The following CGRRF1 variants were observed in gnomAD, a reference collection of about 807,000 sequenced individuals.
CGRRF1 encodes cell growth regulator with ring finger domain 1.
Under a neutral mutation model 37.2 loss-of-function variants are expected in CGRRF1, and 32 were observed. The ratio of observed to expected loss-of-function variants is 0.86; its 90% confidence interval spans 0.65 to 1.16. The LOEUF is 1.16. CGRRF1 is among the 50% of genes most tolerant of loss of function. CGRRF1 has a pLI of 0.00. For missense variants in CGRRF1, 391 were observed against 382.6 expected (o/e 1.02, Z -0.18); for synonymous variants, 141 against 140.3 (o/e 1.00, Z -0.04).
In CGRRF1 at chr14:54,530,083, T is replaced by G; in HGVS notation, c.279T>G (p.Asp93Glu). Residue 93 changes from aspartate (D) to glutamate (E), a missense_variant, in exon 3 of 6, where the codon GAT becomes GAG. Physicochemically the swap from Asp to Glu is conservative, Grantham distance 45 (BLOSUM62 2). Transcript: ENST00000216420. ...CCTTGACAACAGATTGCCTTGAAGA[T>G]AGCCTCCTTACATGCTACTGGGGGT... ...GITLTTDCLE[D>E]SLLTCYWGCS... is the part of the protein sequence containing the mutation. The G allele has an allele frequency of 6.2e-7, 1 of 1,612,854 alleles. No individual in the cohort carries two copies. The highest frequency in any genetic ancestry group is 8.5e-7 in the Non-Finnish European group (1 of 1,178,992).
In CGRRF1 at chr14:54,530,043, T is replaced by C. The variant is rs1484763994; in HGVS notation, c.245-6T>C. 6.3e-7 allele frequency: 1 copy of C among 1,599,824 alleles called. No individual in the cohort carries two copies. The highest frequency in any genetic ancestry group is 1.7e-5 in the Admixed American group (1 of 59,432). On this transcript the variant is annotated splice_polypyrimidine_tract_variant and splice_region_variant and intron_variant, in intron 2 of 5. Coordinates refer to ENST00000216420, the MANE Select transcript of CGRRF1 (RefSeq NM_006568.3). The stretch of plus-strand genomic sequence containing the variant: ...ACTTTCATTCTTTCTCCTTTGTTTT[T>C]TACAGCTGGCATAACCTTGACAACA...
At chr14:54,523,724 G>T (rs1177727760) in intron 2 of CGRRF1, among the ~76,000 whole-genome samples, 2 of 152,162 alleles carry the variant, frequency 1.3e-5, no homozygotes, top group Non-Finnish European at 2.9e-5. Flanking sequence ...TTAGAAAAAT[G>T]AGGAGTACAG....
In CGRRF1 at chr14:54,532,268, T is replaced by C. The variant is rs553724895; in HGVS notation, c.570+1218T>C. 2.2e-4 allele frequency among the ~76,000 whole-genome samples: 33 copies of C among 152,308 alleles called. 2 individuals are homozygous for C. The South Asian group carries it at 6.8e-3, about 32-fold the overall frequency. ...CATTTGCAGTTAAGCACCTAGGTTT[T>C]TGGTTTTTAATATTTTCAAACTGAA... On this transcript the variant is annotated intron_variant, in intron 4 of 5. Coordinates refer to ENST00000216420, the MANE Select transcript of CGRRF1 (RefSeq NM_006568.3).
At chr14:54,532,509 G>T (rs1311319505) in intron 4 of CGRRF1, among the ~76,000 whole-genome samples, 1 of 152,108 alleles carries the variant, frequency 6.6e-6, no homozygotes, top group Non-Finnish European at 1.5e-5. Context: ...AAGTAACTGT[G>T]TAAGATGATG....
intron 1 of CGRRF1, among the ~76,000 whole-genome samples, chr14:54,512,598 T>A (rs2140052610): frequency 6.6e-6 from 1 of 152,348 alleles, no homozygotes; most frequent in South Asian, 2.1e-4. Context: ...CTTTGCAAGC[T>A]GACTGCCCAT....
chr14:54,516,509 T>C (rs766397621), intron 1 of CGRRF1, among the ~76,000 whole-genome samples: 75 of 152,176 alleles, frequency 4.9e-4, no homozygotes, highest in Non-Finnish European at 9.1e-4. Context: ...GACATTCTTA[T>C]CTTTGTTCCT....
intron 2 of CGRRF1, among the ~76,000 whole-genome samples, chr14:54,529,499 A>G (rs1243906414): frequency 6.6e-6 from 1 of 152,218 alleles, no homozygotes; most frequent in Non-Finnish European, 1.5e-5. Context: ...TATTTTGCAT[A>G]TTACATGGGA....
rs1398009671 is a variant in CGRRF1 at position 54,538,355 on chromosome 14, A to G, written c.971A>G (p.Gln324Arg). 1 of 1,612,200 alleles carries G rather than the reference A, an allele frequency of 6.2e-7. No homozygotes were observed. The highest frequency in any genetic ancestry group is 1.7e-5 in the Admixed American group (1 of 59,986). The change falls in exon 6 of 6, where the codon CAA becomes CGA. Residue 324 changes from glutamine (Q) to arginine (R), a missense_variant. Coordinates refer to ENST00000216420, the MANE Select transcript of CGRRF1 (RefSeq NM_006568.3). ...TTTGCACTTTGCAGTCAAAAAGAGC[A>G]AGATAAAGACAAACCGAAGACTCTT... ...ESFALCSQKE[Q>R]DKDKPKTL
In CGRRF1 at chr14:54,537,768, T is replaced by A; in HGVS notation, c.617T>A (p.Leu206Gln). 6.3e-7 allele frequency: 1 copy of A among 1,597,916 alleles called. No homozygotes were observed. Among genetic ancestry groups the A allele is most frequent in the Non-Finnish European group, 8.5e-7 (1 of 1,175,640 alleles). ...VIHIPDRTYKLSCRILYQYLL... is the reference protein window; with the variant it reads ...VIHIPDRTYKQSCRILYQYLL... Reference sequence around the variant, plus strand: ...CATATTCCTGATAGGACTTATAAACTATCCTGCAGAATATTGTATCAATAT... The same window carrying A: ...CATATTCCTGATAGGACTTATAAACAATCCTGCAGAATATTGTATCAATAT... The change falls in exon 5 of 6, where the codon CTA (leucine) becomes CAA (glutamine). Residue 206 changes from leucine (L) to glutamine (Q), a missense_variant. Physicochemically the swap from Leu to Gln is moderately radical, Grantham distance 113. Transcript: ENST00000216420.
At chr14:54,513,146 A>G (rs903176447) in intron 1 of CGRRF1, among the ~76,000 whole-genome samples, 4 of 152,220 alleles carry the variant, frequency 2.6e-5, no homozygotes, top group Non-Finnish European at 5.9e-5. Context: ...GTCACTAAGA[A>G]TGGGATCCTG....
rs1231005387 is a variant in CGRRF1 at position 54,538,711 on chromosome 14, A to T, written c.*328A>T. 5.4e-6 allele frequency: 1 copy of T among 184,998 alleles called. No homozygotes were observed. The highest frequency in any genetic ancestry group is 1.4e-4 in the East Asian group (1 of 6,926). 11.5% of individuals were successfully genotyped at this position (184,998 alleles called of 1,614,324 possible). On this transcript the variant is annotated 3_prime_UTR_variant, in exon 6 of 6. Transcript: ENST00000216420. ...ATCCATTGAAAATTTGAGGAGGTTAAATTCTTAAGATCACTAAATGTTTTA... is the reference window on the plus strand; with the variant it reads ...ATCCATTGAAAATTTGAGGAGGTTATATTCTTAAGATCACTAAATGTTTTA...
intron 1 of CGRRF1, among the ~76,000 whole-genome samples, chr14:54,519,618 A>G (rs1445091981): frequency 6.6e-6 from 1 of 152,090 alleles, no homozygotes; most frequent in Non-Finnish European, 1.5e-5. Context: ...CCTGGTTCCA[A>G]GTTATAAACC....
chr14:54,536,373 A>G (rs959069146), intron 4 of CGRRF1: 3 of 152,156 alleles, frequency 2.0e-5, no homozygotes, highest in Non-Finnish European at 2.9e-5. Context: ...AGTATTCTGC[A>G]GTAACAAATA....
At chr14:54,510,215 G>C (rs2032107237) in intron 1 of CGRRF1, 152 bp downstream of exon 1, 1 of 621,220 alleles carries the variant, frequency 1.6e-6, no homozygotes, top group African/African-American at 1.8e-5. Context: ...CTTTCTCTGG[G>C]AGGAAAACAA....
chr14:54,510,156 G>A, intron 1 of CGRRF1, 93 bp downstream of exon 1: 6 of 911,394 alleles, frequency 6.6e-6, no homozygotes, highest in Non-Finnish European at 1.1e-5. Context: ...GAGGGCCGCG[G>A]GCCGGAGGAC....
At position 54,539,219 on chromosome 14, in the gene CGRRF1, A is replaced by C. The variant is rs191398526; in HGVS notation, c.*836A>C. On this transcript the variant is annotated 3_prime_UTR_variant, in exon 6 of 6. Transcript: ENST00000216420. ...AGGTTATAGAGCTAGAAAAATCACT[A>C]AAAGAAACAAATAACTATTTTTTTC... is the stretch of plus-strand genomic sequence containing the variant. 2.0e-5 allele frequency: 3 copies of C among 152,328 alleles called. No individual in the cohort carries two copies. The East Asian group carries it at 5.8e-4, about 29-fold the overall frequency. The allele number at this position is 152,328 out of a possible 1,614,324, so 9.4% of individuals were successfully genotyped here. A position where few individuals can be genotyped will look rare whatever the true frequency, so the allele number is the denominator to read the frequency against.
chr14:54,530,943 C>T lies in CGRRF1; in HGVS notation c.463C>T (p.Pro155Ser). 1 of 1,597,702 alleles carries T rather than the reference C, an allele frequency of 6.3e-7. No individual in the cohort carries two copies. The highest frequency in any genetic ancestry group is 8.6e-7 in the Non-Finnish European group (1 of 1,165,216). The change falls in exon 4 of 6, where the codon CCA becomes TCA. Residue 155 changes from proline (P) to serine (S), a missense_variant. By Grantham distance (74) the Pro-to-Ser change is moderately conservative. Transcript: ENST00000216420. ...DSKEEIYCQL[P>S]RDTKIEDFGT... ...CAAAGAAGAAATATATTGCCAGTTACCAAGAGATACTAAAATTGAAGACTT... is the reference window on the plus strand; with the variant it reads ...CAAAGAAGAAATATATTGCCAGTTATCAAGAGATACTAAAATTGAAGACTT...
intron 2 of CGRRF1, among the ~76,000 whole-genome samples, chr14:54,526,191 C>A (rs2032409634): frequency 6.8e-6 from 1 of 146,798 alleles, no homozygotes; most frequent in African/African-American, 2.5e-5. Flanking sequence ...GCTCTGTCGC[C>A]CAGGCTAGAG....
At chr14:54,515,152 G>C (rs548372488) in intron 1 of CGRRF1, among the ~76,000 whole-genome samples, 1 of 141,950 alleles carries the variant, frequency 7.0e-6, no homozygotes, top group Non-Finnish European at 1.5e-5. Flanking sequence ...GCAGTGGTAT[G>C]ATCTCGGCTC....
Sources: allele counts gnomAD v4.1 joint callset (sites outside exome capture counted in the v4.1 genomes callset), GRCh38; gene constraint gnomAD v4.1.1; transcripts MANE v1.5; gene names NCBI Gene and HGNC (gene_info 2026-07-23, HGNC 2026-07-21).